Variants in SLC25A21 observed in about 807,000 individuals in gnomAD.
SLC25A21 encodes mitochondrial 2-oxodicarboxylate carrier.
In SLC25A21, 47 loss-of-function variants were observed where a neutral mutation model predicts 43.8. The observed-to-expected ratio is 1.07, with a 90% CI of 0.85 to 1.37. SLC25A21 has a LOEUF of 1.37. Among genes scored for constraint, SLC25A21 ranks in the 40% most tolerant of loss-of-function variants. The pLI is 0.00. For missense variants in SLC25A21, 352 were observed against 350.2 expected (o/e 1.00, Z -0.04); for synonymous variants, 131 against 121.3 (o/e 1.08, Z -0.52).
chr14:36,899,325 G>A (rs774044899), intron 1 of SLC25A21, among the ~76,000 whole-genome samples: 1 of 152,148 alleles, frequency 6.6e-6, no homozygotes, highest in Non-Finnish European at 1.5e-5. Flanking sequence ...ATTCTGGAAA[G>A]AGGATCCCAA....
chr14:36,756,884 T>G (rs2139270493), intron 3 of SLC25A21, among the ~76,000 whole-genome samples: 1 of 152,302 alleles, frequency 6.6e-6, no homozygotes, highest in Non-Finnish European at 1.5e-5. Flanking sequence ...GAACACTATT[T>G]CCCAAACATT....
chr14:37,019,975 T>C (rs1209074577), intron 1 of SLC25A21, among the ~76,000 whole-genome samples: 4 of 151,980 alleles, frequency 2.6e-5, no homozygotes, highest in Admixed American at 2.0e-4. Flanking sequence ...AAAATAAATA[T>C]AGGCAATCTA....
chr14:36,696,625 G>A (rs1883035172), intron 7 of SLC25A21, among the ~76,000 whole-genome samples: 1 of 152,126 alleles, frequency 6.6e-6, no homozygotes, highest in Non-Finnish European at 1.5e-5. Flanking sequence ...ATTCTTCCTG[G>A]TTTAGTCTTG....
At chr14:36,931,890 T>C (rs1456077816) in intron 1 of SLC25A21, among the ~76,000 whole-genome samples, 1 of 152,160 alleles carries the variant, frequency 6.6e-6, no homozygotes, top group Non-Finnish European at 1.5e-5. Flanking sequence ...TTCCAACGAT[T>C]TCTGAGAATT....
intron 3 of SLC25A21, among the ~76,000 whole-genome samples, chr14:36,795,778 C>T (rs1193016941): frequency 6.6e-6 from 1 of 152,086 alleles, no homozygotes; most frequent in Non-Finnish European, 1.5e-5. Flanking sequence ...CTGTCACAAC[C>T]CCTAAGGAAG....
chr14:36,844,533 T>G (rs747299085), intron 2 of SLC25A21, among the ~76,000 whole-genome samples: 5 of 152,184 alleles, frequency 3.3e-5, no homozygotes, highest in Non-Finnish European at 7.3e-5. Flanking sequence ...CCCTGGGCAC[T>G]CAATCATTTC....
At chr14:36,770,561 C>G (rs1291523342) in intron 3 of SLC25A21, among the ~76,000 whole-genome samples, 1 of 152,060 alleles carries the variant, frequency 6.6e-6, no homozygotes, top group Non-Finnish European at 1.5e-5. Flanking sequence ...AATCGTCCTG[C>G]TTGGTTTACA....
chr14:37,166,080 A>C (rs888695618), intron 1 of SLC25A21, among the ~76,000 whole-genome samples: 1 of 152,178 alleles, frequency 6.6e-6, no homozygotes, highest in Non-Finnish European at 1.5e-5. Flanking sequence ...TGAGAAACAG[A>C]AAAAGGTGTC....
At chr14:36,954,917 C>T (rs150742123) in intron 1 of SLC25A21, among the ~76,000 whole-genome samples, 31 of 152,284 alleles carry the variant, frequency 2.0e-4, no homozygotes, top group Non-Finnish European at 3.2e-4. Flanking sequence ...GGATGTTTAG[C>T]CAGAGCCATC....
intron 2 of SLC25A21, among the ~76,000 whole-genome samples, chr14:36,842,181 C>T (rs1290420258): frequency 6.6e-6 from 1 of 152,210 alleles, no homozygotes; most frequent in Non-Finnish European, 1.5e-5. Flanking sequence ...CTAACAGACG[C>T]TAGCACATAG....
chr14:36,730,622 C>T lies in SLC25A21; in HGVS notation c.271-1056G>A, dbSNP rs553557592. 5.3e-5 allele frequency among the ~76,000 whole-genome samples: 8 copies of T among 152,282 alleles called. No homozygotes were observed. The East Asian group carries it at 1.2e-3, about 22-fold the overall frequency. ...GTGAGTGTTTGGGCAGCCCAAGAAT[C>T]GTTTTACTATCTGGTAAATTTTGAT... On this transcript the variant is annotated intron_variant, in intron 4 of 9. Coordinates refer to ENST00000331299, the MANE Select transcript of SLC25A21 (RefSeq NM_030631.4).
At chr14:37,075,389 C>T (rs555963174) in intron 1 of SLC25A21, among the ~76,000 whole-genome samples, 1 of 152,146 alleles carries the variant, frequency 6.6e-6, no homozygotes, top group Non-Finnish European at 1.5e-5. Context: ...ACCTTTGAAA[C>T]TTCATATTGA....
Position 37,028,895 on chromosome 14 carries a change from A to G in SLC25A21, c.70+143386T>C, listed in dbSNP as rs542250652. On this transcript the variant is annotated intron_variant, in intron 1 of 9. Coordinates refer to ENST00000331299, the MANE Select transcript of SLC25A21 (RefSeq NM_030631.4). ...TGTTATAGCTATTATTGTTGGACAC[A>G]TAACATGACATATTTACCTTTCCAG... Among the ~76,000 whole-genome samples the G allele has an allele frequency of 2.6e-5, 4 of 152,324 alleles. No homozygotes were observed. In the South Asian group the frequency reaches 8.3e-4, roughly 32 times the overall value.
In SLC25A21 at chr14:36,678,346, T is replaced by C. The variant is rs781368037; in HGVS notation, c.*2312A>G. The C allele has an allele frequency of 1.3e-6, 1 of 769,438 alleles. No individual in the cohort carries two copies. The highest frequency in any genetic ancestry group is 2.1e-6 in the Non-Finnish European group (1 of 472,072). The allele number at this position is 769,438 out of a possible 1,614,324, so 47.7% of individuals were successfully genotyped here. ...GAGAGCTTTGAACTGCATTTATTTCTAAAGCAACCGAAATTCAGTGCTACA... is the reference window on the plus strand; with the variant it reads ...GAGAGCTTTGAACTGCATTTATTTCCAAAGCAACCGAAATTCAGTGCTACA... On this transcript the variant is annotated 3_prime_UTR_variant, in exon 10 of 10. Transcript: ENST00000331299.
intron 1 of SLC25A21, among the ~76,000 whole-genome samples, chr14:36,901,160 A>G (rs1053982033): frequency 2.0e-5 from 3 of 152,208 alleles, no homozygotes; most frequent in African/African-American, 7.2e-5. Flanking sequence ...AGAGACCGAT[A>G]AGAAAGGAAA....
At chr14:36,818,660 T>C (rs78955568) in intron 2 of SLC25A21, among the ~76,000 whole-genome samples, 1,610 of 152,288 alleles carry the variant, frequency 0.011, 20 homozygotes, top group African/African-American at 0.036. Context: ...TTTTGTTCCA[T>C]TACACATGAC....
intron 3 of SLC25A21, among the ~76,000 whole-genome samples, chr14:36,751,041 G>A (rs187179107): frequency 2.6e-4 from 39 of 152,266 alleles, no homozygotes; most frequent in Middle Eastern, 3.4e-3. Context: ...GTTCCTCTGA[G>A]GGCTATGTCT....
At chr14:36,683,710 C>A in intron 9 of SLC25A21, 118 bp downstream of exon 9, 1 of 645,620 alleles carries the variant, frequency 1.5e-6, no homozygotes, top group Non-Finnish European at 2.6e-6. Context: ...TTTATATTCT[C>A]AAGGTTTCTG....
intron 1 of SLC25A21, among the ~76,000 whole-genome samples, chr14:37,031,185 C>CTA (rs1438058563): frequency 6.6e-6 from 1 of 152,146 alleles, no homozygotes; most frequent in East Asian, 1.9e-4. Context: ...AGATAACAGG[C>CTA]TATCCTAAGG....
Sources: allele counts gnomAD v4.1 joint callset (sites outside exome capture counted in the v4.1 genomes callset), GRCh38; gene constraint gnomAD v4.1.1; transcripts MANE v1.5; gene names NCBI Gene and HGNC (gene_info 2026-07-23, HGNC 2026-07-21).